Variants in PTPRM observed in about 807,000 individuals in gnomAD.
The protein encoded by PTPRM is protein tyrosine phosphatase receptor type M.
Under a neutral mutation model 186.7 loss-of-function variants are expected in PTPRM, and 47 were observed. The ratio of observed to expected loss-of-function variants is 0.25; its 90% CI spans 0.20 to 0.32. The LOEUF (loss-of-function observed/expected upper bound fraction) is 0.32. Among genes scored for constraint, PTPRM ranks in the 10% least tolerant of loss-of-function variants. The pLI, the probability that PTPRM is intolerant of heterozygous loss-of-function variation, is 1.00. For synonymous variants in PTPRM, 668 were observed against 674.9 expected (o/e 0.99, Z 0.16); for missense variants, 1,494 against 1,865.0 (o/e 0.80, Z 3.66).
intron 7 of PTPRM, among the ~76,000 whole-genome samples, chr18:7,983,399 T>C (rs1052240333): frequency 1.2e-4 from 19 of 152,108 alleles, no homozygotes; most frequent in African/African-American, 4.6e-4. Flanking sequence ...TGGTCCCTGG[T>C]GCCAAAAAGT....
At chr18:8,349,158 A>G (rs2095521050) in intron 23 of PTPRM, among the ~76,000 whole-genome samples, 1 of 152,242 alleles carries the variant, frequency 6.6e-6, no homozygotes, top group South Asian at 2.1e-4. Context: ...ACAGCCAAGA[A>G]AAAAACATCT....
At chr18:8,243,873 C>T (rs552437081) in intron 14 of PTPRM, among the ~76,000 whole-genome samples, 185 bp from the exon 15 acceptor site, 38 of 152,154 alleles carry the variant, frequency 2.5e-4, no homozygotes, top group East Asian at 1.2e-3. Flanking sequence ...TAGACAGTAC[C>T]TGTTTTTCAT....
intron 14 of PTPRM, among the ~76,000 whole-genome samples, chr18:8,218,289 C>T (rs984599767): frequency 6.6e-6 from 1 of 152,298 alleles, no homozygotes. Context: ...ATCCACTGCA[C>T]GCCCAGGGGT....
chr18:8,390,856 A>G (rs1334394420), intron 31 of PTPRM, among the ~76,000 whole-genome samples: 2 of 151,934 alleles, frequency 1.3e-5, no homozygotes, highest in Non-Finnish European at 2.9e-5. Context: ...TGAACCCGGG[A>G]GGCGGAGCTT....
At chr18:8,350,653 G>C (rs1454763284) in intron 23 of PTPRM, among the ~76,000 whole-genome samples, 1 of 152,168 alleles carries the variant, frequency 6.6e-6, no homozygotes, top group Non-Finnish European at 1.5e-5. Flanking sequence ...CCACTCATCT[G>C]TTCAGAATCC....
At chr18:8,405,456 G>T (rs1406865962) in intron 32 of PTPRM, among the ~76,000 whole-genome samples, 2 of 152,162 alleles carry the variant, frequency 1.3e-5, no homozygotes, top group Non-Finnish European at 2.9e-5. Flanking sequence ...CCGTCCTCTG[G>T]GGAAGGCGCT....
intron 1 of PTPRM, among the ~76,000 whole-genome samples, chr18:7,702,485 C>G (rs890979168): frequency 3.9e-5 from 6 of 152,056 alleles, no homozygotes; most frequent in African/African-American, 1.4e-4. Context: ...TCATAAATGT[C>G]TTCTTTTGAT....
chr18:7,822,524 G>A (rs2045253777), intron 2 of PTPRM, among the ~76,000 whole-genome samples: 1 of 152,148 alleles, frequency 6.6e-6, no homozygotes, highest in Non-Finnish European at 1.5e-5. Flanking sequence ...TATAAAATGG[G>A]CACAGAATAT....
At chr18:8,026,408 G>T (rs552465080) in intron 7 of PTPRM, among the ~76,000 whole-genome samples, 1 of 152,152 alleles carries the variant, frequency 6.6e-6, no homozygotes, top group Non-Finnish European at 1.5e-5. Context: ...AGAAGAATAT[G>T]TTAACTACAA....
At chr18:7,855,045 T>C (rs889928564) in intron 2 of PTPRM, among the ~76,000 whole-genome samples, 1 of 152,150 alleles carries the variant, frequency 6.6e-6, no homozygotes, top group Non-Finnish European at 1.5e-5. Flanking sequence ...AGGGGAGAAT[T>C]TACCGCTCTA....
chr18:8,259,729 C>G (rs2094608998), intron 19 of PTPRM, among the ~76,000 whole-genome samples: 1 of 152,056 alleles, frequency 6.6e-6, no homozygotes, highest in Admixed American at 6.5e-5. Flanking sequence ...TTCACTGCAA[C>G]CTTCGCCTCC....
At chr18:7,701,783 C>T (rs190237182) in intron 1 of PTPRM, among the ~76,000 whole-genome samples, 6 of 151,988 alleles carry the variant, frequency 3.9e-5, no homozygotes, top group Non-Finnish European at 5.9e-5. Flanking sequence ...TAGGTATACA[C>T]GTGCCATGGT....
chr18:8,063,084 A>C (rs1383687085), intron 7 of PTPRM, among the ~76,000 whole-genome samples: 2 of 151,458 alleles, frequency 1.3e-5, no homozygotes, highest in Non-Finnish European at 2.9e-5. Flanking sequence ...GTTTGATCTC[A>C]GACTGCTGTG....
In PTPRM at chr18:7,613,470, C is replaced by T. The variant is rs149339045; in HGVS notation, c.73+45579C>T. On this transcript the variant is annotated intron_variant, in intron 1 of 32. Coordinates refer to ENST00000580170, the MANE Select transcript of PTPRM (RefSeq NM_001105244.2). ...CAGATGGATCATGAGGTCAGGAGAT[C>T]AAGACCATCCTGGCCAAAATGCTGA... Among the ~76,000 whole-genome samples, 121 of 152,216 alleles carry T rather than the reference C, an allele frequency of 7.9e-4. No individual in the cohort carries two copies. In the East Asian group the frequency reaches 0.021, roughly 27 times the overall value.
intron 7 of PTPRM, among the ~76,000 whole-genome samples, chr18:8,067,798 G>A (rs536242054): frequency 1.3e-5 from 2 of 152,298 alleles, no homozygotes; most frequent in Admixed American, 1.3e-4. Flanking sequence ...CTCTGGTACA[G>A]CTGAACTGGG....
chr18:8,237,431 ATTTTTTTTTTTTTT>A (rs59073560), intron 14 of PTPRM, among the ~76,000 whole-genome samples: 5 of 71,664 alleles, frequency 7.0e-5, no homozygotes, highest in Admixed American at 1.6e-4. Context: ...GATTCCCTCA[ATTTTTTTTTTTTTT>A]TTTTTTTTTT....
chr18:8,372,053 A>ATTTTTTTTTTTTT (rs2095665582), intron 24 of PTPRM, among the ~76,000 whole-genome samples: 2 of 68,514 alleles, frequency 2.9e-5, no homozygotes, highest in Non-Finnish European at 6.3e-5. Context: ...TCCACTCTAT[A>ATTTTTTTTTTTTT]TTCTTTTTTT....
rs764666627 is a variant in PTPRM at position 8,008,356 on chromosome 18, C to T, written c.1132+52942C>T. On this transcript the variant is annotated intron_variant, in intron 7 of 32. Transcript: ENST00000580170. ...CAACTATAGGAAAATTAAAGGCTGA[C>T]GAAGAAGGTCGGGGAAAAGTTTGAT... Among the ~76,000 whole-genome samples the T allele has an allele frequency of 2.8e-4, 43 of 152,066 alleles. 1 individual carries two copies. The highest frequency in any genetic ancestry group is 9.2e-4 in the African/African-American group (38 of 41,396).
chr18:8,338,516 G>A (rs75976080), intron 22 of PTPRM, among the ~76,000 whole-genome samples: 11,126 of 152,124 alleles, frequency 0.073, 436 homozygotes, highest in South Asian at 0.1. Context: ...GTTCAAATGA[G>A]GCGGTATGAT....
Sources: gnomAD v4.1 joint callset for allele counts (sites outside exome capture counted in the v4.1 genomes callset) on GRCh38, gnomAD v4.1.1 for gene constraint, MANE v1.5 for transcripts, NCBI Gene and HGNC (gene_info 2026-07-23, HGNC 2026-07-21) for gene names.